Variants in SOX6 observed in about 807,000 individuals in gnomAD.
SOX6 encodes SRY-box transcription factor 6, also known as transcription factor SOX-6.
A neutral mutation model predicts 97.8 loss-of-function variants in SOX6; 11 were observed. The observed-to-expected ratio is 0.11, with a 90% CI of 0.07 to 0.19. The LOEUF (loss-of-function observed/expected upper bound fraction) is 0.19, where lower values mean the gene tolerates loss of function less well. Among genes scored for constraint, SOX6 ranks in the 10% least tolerant of loss-of-function variants. SOX6 has a pLI of 1.00. For missense variants in SOX6, 810 were observed against 1,039.5 expected, an observed-to-expected ratio of 0.78 and a Z score of 3.04; for synonymous variants, 360 against 371.4, an observed-to-expected ratio of 0.97 and a Z score of 0.35.
intron 1 of SOX6, among the ~76,000 whole-genome samples, chr11:16,395,567 C>A (rs906956944): frequency 5.9e-5 from 9 of 151,754 alleles, no homozygotes; most frequent in South Asian, 4.1e-4. Context: ...GGGAGAAAGA[C>A]AAGAGCTGAG....
upstream of SOX6, among the ~76,000 whole-genome samples, chr11:16,360,155 TC>T (rs1261853632): frequency 2.6e-5 from 4 of 152,086 alleles, no homozygotes; most frequent in Admixed American, 2.6e-4. Context: ...AATATCATTG[TC>T]CCCCATTTCA....
Position 16,607,071 on chromosome 11 carries a change from A to T in SOX6, n.609+5010T>A, listed in dbSNP as rs1340972104. On this transcript the variant is annotated intron_variant and non_coding_transcript_variant, in intron 4 of 5. Transcript: ENST00000524520. The surrounding 1 kb of genome is among the most constrained non-coding windows in gnomAD (Gnocchi z 6.5). ...GTACGCAAACCCGCCCCGGCCCGGCAGCCGCGGCTCCCGGCCACCCGCGCC... is the reference window on the plus strand; with the variant it reads ...GTACGCAAACCCGCCCCGGCCCGGCTGCCGCGGCTCCCGGCCACCCGCGCC... 1 of 151,478 alleles carries T rather than the reference A, an allele frequency of 6.6e-6. No individual in the cohort carries two copies. Among genetic ancestry groups the T allele is most frequent in the Non-Finnish European group, 1.5e-5 (1 of 68,368 alleles). The allele number at this position is 151,478 out of a possible 1,614,324, so 9.4% of individuals were successfully genotyped here. A position where few individuals can be genotyped will look rare whatever the true frequency, so the allele number is the denominator to read the frequency against.
intron 4 of SOX6, among the ~76,000 whole-genome samples, chr11:16,512,792 A>C (rs570536373): frequency 1.3e-5 from 2 of 152,364 alleles, no homozygotes; most frequent in South Asian, 4.1e-4. Context: ...ATGAATGTAA[A>C]AAACTCAAGT....
chr11:16,693,607 A>G (rs1412486441), intron 3 of SOX6, among the ~76,000 whole-genome samples: 1 of 152,146 alleles, frequency 6.6e-6, no homozygotes, highest in East Asian at 1.9e-4. Flanking sequence ...TTATATTTAA[A>G]TAGTTCCCTA....
chr11:16,094,168 A>G (rs980092839), intron 9 of SOX6, among the ~76,000 whole-genome samples: 3 of 151,988 alleles, frequency 2.0e-5, no homozygotes, highest in African/African-American at 7.2e-5. Context: ...TTAAAGTGAC[A>G]GACACGTGAC....
At chr11:16,341,299 A>G in intron 1 of SOX6, 47 bp from the exon 2 acceptor site, 6 of 1,601,848 alleles carry the variant, frequency 3.7e-6, no homozygotes, top group Non-Finnish European at 5.1e-6. Context: ...TCAATAACAA[A>G]CCATAAACCA....
At chr11:16,495,017 C>T (rs1329443269) in intron 4 of SOX6, among the ~76,000 whole-genome samples, 2 of 152,158 alleles carry the variant, frequency 1.3e-5, no homozygotes, top group Non-Finnish European at 2.9e-5. Flanking sequence ...AGCCCAACAG[C>T]CCCTGCATCT....
At chr11:16,247,448 C>T (rs182074497) in intron 3 of SOX6, among the ~76,000 whole-genome samples, 150 of 152,116 alleles carry the variant, frequency 9.9e-4, no homozygotes, top group Non-Finnish European at 1.5e-3. Context: ...AAGAACTGCC[C>T]GAGACTGGGT....
chr11:16,341,217 G>A lies in SOX6; in HGVS notation c.32C>T (p.Ala11Val). Residue 11 changes from alanine to valine, a missense_variant, in exon 2 of 16, where the codon GCC becomes GTC. Physicochemically the swap from Ala to Val is moderately conservative, Grantham distance 64 (BLOSUM62 0). This residue lies in a region of SOX6 where 100 missense variants were observed against 94.6 expected (regional missense o/e 1.06). Transcript: ENST00000683767. MSSKQATSPF[A>V]CAADGEDAMT... ...TGCATCCTCTCCATCAGCTGCACAG[G>A]CAAATGGAGAGGTGGCTTGCTTGGA... The A allele has an allele frequency of 6.2e-7, 1 of 1,613,336 alleles. No homozygotes were observed. The highest frequency in any genetic ancestry group is 8.5e-7 in the Non-Finnish European group (1 of 1,179,550).
intron 4 of SOX6, among the ~76,000 whole-genome samples, chr11:16,591,051 A>G (rs1848144407): frequency 6.6e-6 from 1 of 152,152 alleles, no homozygotes; most frequent in African/African-American, 2.4e-5. Context: ...TATCTCATGT[A>G]CCATATAAAT....
At chr11:16,181,365 T>C (rs997053796) in intron 6 of SOX6, among the ~76,000 whole-genome samples, 5 of 151,734 alleles carry the variant, frequency 3.3e-5, no homozygotes, top group African/African-American at 1.2e-4. Context: ...ATAATTTTGT[T>C]TTATCCTTTG....
intron 3 of SOX6, among the ~76,000 whole-genome samples, chr11:16,706,474 ATATATATATATATATATATATATAT>A (rs1848136805): frequency 2.9e-4 from 4 of 13,782 alleles, no homozygotes; most frequent in African/African-American, 4.6e-4. Flanking sequence ...AAAAAAAAAT[ATATATATATATATATATATATATAT>A]ATATATATAT....
chr11:16,180,181 T>C (rs1851310234), intron 6 of SOX6, among the ~76,000 whole-genome samples: 2 of 151,868 alleles, frequency 1.3e-5, no homozygotes, highest in South Asian at 4.1e-4. Flanking sequence ...AATTGTCTTA[T>C]ATTTAATCAT....
chr11:16,426,171 G>C (rs1859124745), intron 1 of SOX6, among the ~76,000 whole-genome samples: 1 of 146,060 alleles, frequency 6.8e-6, no homozygotes, highest in Admixed American at 7.1e-5. Flanking sequence ...CAGGATAATG[G>C]TGTGAACCCG....
At chr11:16,066,884 T>G (rs1448050124) in intron 9 of SOX6, among the ~76,000 whole-genome samples, 1 of 152,162 alleles carries the variant, frequency 6.6e-6, no homozygotes, top group Non-Finnish European at 1.5e-5. Context: ...GCCCACCTTT[T>G]GCATCAGTTT....
intron 7 of SOX6, among the ~76,000 whole-genome samples, chr11:16,098,071 T>G (rs777346215): frequency 2.6e-5 from 4 of 151,816 alleles, no homozygotes; most frequent in Non-Finnish European, 5.9e-5. Context: ...AGTTTTGGCT[T>G]TGTAGGCAAA....
At chr11:16,316,797 C>T (rs1855769165) in intron 3 of SOX6, 1 of 152,016 alleles carries the variant, frequency 6.6e-6, no homozygotes, top group Non-Finnish European at 1.5e-5. Context: ...AGATAATTAT[C>T]TGGCAATCCC....
At chr11:16,389,821 T>G (rs1482418662) in intron 1 of SOX6, among the ~76,000 whole-genome samples, 1 of 151,190 alleles carries the variant, frequency 6.6e-6, no homozygotes, top group Non-Finnish European at 1.5e-5. Flanking sequence ...ACAGAAAAAA[T>G]TAGCCAGGCA....
At chr11:16,124,087 C>T (rs1297474794) in intron 6 of SOX6, among the ~76,000 whole-genome samples, 1 of 152,110 alleles carries the variant, frequency 6.6e-6, no homozygotes, top group Non-Finnish European at 1.5e-5. Flanking sequence ...AAATTAAACT[C>T]TTCCATGAAA....
Sources: gnomAD v4.1 joint callset for allele counts (sites outside exome capture counted in the v4.1 genomes callset) on GRCh38, gnomAD v4.1.1 for gene constraint, gnomAD v4.1.1 regional missense constraint, Gnocchi (gnomAD v3.1) non-coding constraint, MANE v1.5 for transcripts, NCBI Gene and HGNC (gene_info 2026-07-23, HGNC 2026-07-21) for gene names.